The following NSUN6 variants were observed in gnomAD, a reference collection of about 807,000 sequenced individuals.
The protein encoded by NSUN6 is NOP2/Sun RNA methyltransferase 6.
Under a neutral mutation model 58.0 loss-of-function variants are expected in NSUN6, and 64 were observed. The ratio of observed to expected loss-of-function variants is 1.10; its 90% CI spans 0.90 to 1.36. NSUN6 has a LOEUF of 1.36. Ranked by LOEUF, NSUN6 falls within the 40% of genes most tolerant of loss-of-function variation. The pLI is 0.00. For synonymous variants in NSUN6, 231 were observed against 193.9 expected, an observed-to-expected ratio of 1.19 and a Z score of -1.59; for missense variants, 701 against 550.1, an observed-to-expected ratio of 1.27 and a Z score of -2.74.
chr10:18,563,212 G>A (rs565473165), intron 8 of NSUN6, among the ~76,000 whole-genome samples: 1 of 147,540 alleles, frequency 6.8e-6, no homozygotes, highest in Non-Finnish European at 1.5e-5. Flanking sequence ...AGAATGGTAT[G>A]GAATGGAATG....
At chr10:18,638,359 T>C (rs985811912) in intron 3 of NSUN6, among the ~76,000 whole-genome samples, 2 of 152,112 alleles carry the variant, frequency 1.3e-5, no homozygotes, top group Non-Finnish European at 2.9e-5. Context: ...GGAGAATCAC[T>C]TGAACCCAGG....
At chr10:18,588,278 GA>G (rs1334148341) in intron 7 of NSUN6, among the ~76,000 whole-genome samples, 1 of 152,210 alleles carries the variant, frequency 6.6e-6, no homozygotes, top group Non-Finnish European at 1.5e-5. Flanking sequence ...GGGGCTTACA[GA>G]TAAAACTCTC....
upstream of NSUN6, chr10:18,655,073 G>C (rs1268968005): frequency 8.2e-6 from 8 of 980,992 alleles, no homozygotes; most frequent in African/African-American, 3.5e-5. Flanking sequence ...TTGGAAATTA[G>C]CACTATAATT....
chr10:18,642,665 G>C, intron 2 of NSUN6, 110 bp from the exon 3 acceptor site: 1 of 572,568 alleles, frequency 1.7e-6, no homozygotes, highest in Non-Finnish European at 3.1e-6. Context: ...AGTAGCTCTG[G>C]GGCATTTTCA....
At chr10:18,640,890 A>G (rs2059371694) in intron 3 of NSUN6, among the ~76,000 whole-genome samples, 1 of 151,890 alleles carries the variant, frequency 6.6e-6, no homozygotes, top group Non-Finnish European at 1.5e-5. Flanking sequence ...ATTACACATG[A>G]AAATTTCCTT....
At chr10:18,651,797 C>T, upstream of NSUN6, 1 of 985,422 alleles carries the variant, frequency 1.0e-6, no homozygotes, top group Non-Finnish European at 1.2e-6. Flanking sequence ...AGGCAGACCC[C>T]GCGGGCGGGA....
chr10:18,582,216 C>T (rs113259634), intron 8 of NSUN6, among the ~76,000 whole-genome samples: 4 of 152,196 alleles, frequency 2.6e-5, no homozygotes, highest in Non-Finnish European at 4.4e-5. Context: ...CTTTCCCTGG[C>T]ACTGGCTGCA....
intron 3 of NSUN6, among the ~76,000 whole-genome samples, chr10:18,617,776 T>C (rs1246080483): frequency 6.6e-6 from 1 of 152,132 alleles, no homozygotes; most frequent in Non-Finnish European, 1.5e-5. Context: ...ATATGAGGCC[T>C]ATTGGGAGCT....
intron 3 of NSUN6, 31 bp from the exon 4 acceptor site, chr10:18,616,324 G>C: frequency 7.6e-7 from 1 of 1,316,050 alleles, no homozygotes; most frequent in South Asian, 1.2e-5. Context: ...AAGTTTAATA[G>C]TAACATACCT....
At chr10:18,578,607 A>G (rs1393378753) in intron 8 of NSUN6, among the ~76,000 whole-genome samples, 1 of 152,066 alleles carries the variant, frequency 6.6e-6, no homozygotes, top group Non-Finnish European at 1.5e-5. Flanking sequence ...CTAATTCCTT[A>G]GACTGTTGGT....
chr10:18,640,137 A>C (rs934858319), intron 3 of NSUN6, among the ~76,000 whole-genome samples: 13 of 152,384 alleles, frequency 8.5e-5, no homozygotes, highest in African/African-American at 3.1e-4. Flanking sequence ...TCCATTATAC[A>C]TTTTTAAGTG....
chr10:18,612,656 C>T (rs557386263), intron 5 of NSUN6, among the ~76,000 whole-genome samples: 6 of 152,290 alleles, frequency 3.9e-5, no homozygotes, highest in Non-Finnish European at 5.9e-5. Flanking sequence ...TGGTGCTCTT[C>T]GACTATCTCC....
intron 8 of NSUN6, among the ~76,000 whole-genome samples, chr10:18,581,614 C>G (rs576590801): frequency 2.7e-4 from 41 of 152,208 alleles, no homozygotes; most frequent in Admixed American, 2.5e-3. Flanking sequence ...ATCACAAGGT[C>G]AAGAGATCGA....
At chr10:18,644,954 T>A (rs1436372596) in intron 2 of NSUN6, among the ~76,000 whole-genome samples, 1 of 151,932 alleles carries the variant, frequency 6.6e-6, no homozygotes, top group Non-Finnish European at 1.5e-5. Context: ...GGTTAGAGGT[T>A]TGAGACCAGC....
chr10:18,646,586 T>C (rs539129904), intron 2 of NSUN6, among the ~76,000 whole-genome samples: 1 of 152,268 alleles, frequency 6.6e-6, no homozygotes, highest in Non-Finnish European at 1.5e-5. Context: ...GCCTCACGCC[T>C]GTAATCCCAG....
At chr10:18,632,948 C>CGT (rs1037049417) in intron 3 of NSUN6, among the ~76,000 whole-genome samples, 44 of 152,230 alleles carry the variant, frequency 2.9e-4, no homozygotes, top group African/African-American at 1.1e-3. Flanking sequence ...TATAAAGACA[C>CGT]GTGCACCCGT....
In NSUN6 at chr10:18,586,012, T is replaced by G. The variant is rs2057120307; in HGVS notation, c.859A>C (p.Ile287Leu). The G allele has an allele frequency of 6.2e-7, 1 of 1,613,114 alleles. No homozygotes were observed. Reference protein sequence around the residue: ...QNALLLGLNSIRAFCFDGTKA... With the variant: ...QNALLLGLNSLRAFCFDGTKA... ...GTTCCATCAAAACAAAATGCCCTGA[T>G]GGAATTCAGCCCTAACAATAAGGCA... Residue 287 changes from isoleucine (I) to leucine (L), a missense_variant, in exon 8 of 11, where the codon ATC becomes CTC. By Grantham distance (5) the Ile-to-Leu change is conservative. Coordinates refer to ENST00000377304, the MANE Select transcript of NSUN6 (RefSeq NM_182543.5).
intron 6 of NSUN6, among the ~76,000 whole-genome samples, chr10:18,604,815 G>C (rs778601836): frequency 5.3e-5 from 8 of 151,848 alleles, no homozygotes; most frequent in Non-Finnish European, 8.8e-5. Context: ...AAACCCAGGA[G>C]GGGGAGGTTG....
intron 8 of NSUN6, among the ~76,000 whole-genome samples, chr10:18,579,785 G>C (rs866227768): frequency 5.9e-5 from 9 of 152,112 alleles, no homozygotes; most frequent in Admixed American, 5.2e-4. Context: ...TTTGAGTCTT[G>C]ATCAGCCTTC....
Sources: allele counts gnomAD v4.1 joint callset (sites outside exome capture counted in the v4.1 genomes callset), GRCh38; gene constraint gnomAD v4.1.1; transcripts MANE v1.5; gene names NCBI Gene and HGNC (gene_info 2026-07-23, HGNC 2026-07-21).